Variants in NINL observed in about 807,000 individuals in gnomAD.
NINL encodes ninein-like protein.
In NINL, 153 loss-of-function variants were observed where a neutral mutation model predicts 160.3. That is an observed-to-expected ratio of 0.95 (90% confidence interval 0.84 to 1.09). The LOEUF is 1.09. Ranked by LOEUF, NINL falls within the 50% of genes least tolerant of loss-of-function variation. The probability of loss-of-function intolerance (pLI) is 0.00; values close to 1 mark genes in which losing one functional copy is unlikely to be tolerated. For synonymous variants in NINL, 800 were observed against 734.8 expected, an observed-to-expected ratio of 1.09 and a Z score of -1.43; for missense variants, 1,829 against 1,764.0, an observed-to-expected ratio of 1.04 and a Z score of -0.66.
intron 2 of NINL, among the ~76,000 whole-genome samples, chr20:25,519,976 T>A: frequency 9.1e-6 from 1 of 109,420 alleles, no homozygotes; most frequent in African/African-American, 3.8e-5. Flanking sequence ...GGTGACGAAG[T>A]GAGACCCCGT....
intron 15 of NINL, among the ~76,000 whole-genome samples, chr20:25,479,707 A>C (rs1399271442): frequency 6.6e-6 from 1 of 152,170 alleles, no homozygotes. Context: ...ACTGTCCCTC[A>C]AAAGCCACCA....
intron 1 of NINL, among the ~76,000 whole-genome samples, chr20:25,527,535 T>C (rs1050004365): frequency 1.3e-5 from 2 of 151,768 alleles, no homozygotes; most frequent in East Asian, 1.9e-4. Context: ...TAATAGGTAG[T>C]AAAAATTTTA....
chr20:25,517,890 A>G, intron 2 of NINL, 41 bp from the exon 3 acceptor site: 1 of 1,282,848 alleles, frequency 7.8e-7, no homozygotes. Context: ...GTCACTTTCA[A>G]CAGATCACAC....
At chr20:25,550,523 G>C (rs533406807) in intron 1 of NINL, among the ~76,000 whole-genome samples, 2 of 152,256 alleles carry the variant, frequency 1.3e-5, no homozygotes, top group African/African-American at 4.8e-5. Context: ...AGTATTTATT[G>C]ATCACTATCT....
chr20:25,477,843 C>T (rs1483885418), intron 16 of NINL, among the ~76,000 whole-genome samples: 1 of 151,972 alleles, frequency 6.6e-6, no homozygotes, highest in African/African-American at 2.4e-5. Flanking sequence ...TCTGCAGGGA[C>T]TCTGACCCAA....
At chr20:25,471,833 T>C (rs2063102041) in intron 17 of NINL, among the ~76,000 whole-genome samples, 1 of 152,168 alleles carries the variant, frequency 6.6e-6, no homozygotes, top group Middle Eastern at 3.2e-3. Context: ...TAAGGCTCTT[T>C]ATATTCCCAG....
chr20:25,566,265 A>G (rs571121047), intron 1 of NINL, among the ~76,000 whole-genome samples: 6 of 152,370 alleles, frequency 3.9e-5, no homozygotes, highest in Non-Finnish European at 7.3e-5. Flanking sequence ...AGCCTCTGCC[A>G]TCTACAGCTA....
intron 13 of NINL, among the ~76,000 whole-genome samples, chr20:25,488,729 G>A (rs1432251431): frequency 1.3e-5 from 2 of 151,784 alleles, no homozygotes; most frequent in Non-Finnish European, 2.9e-5. Context: ...CCCCAAAATA[G>A]GCTATTTATG....
At position 25,510,578 on chromosome 20, in the gene NINL, A is replaced by T. The variant is rs562526618; in HGVS notation, c.517+96T>A. 9 of 1,079,010 alleles carry T rather than the reference A, an allele frequency of 8.3e-6. No individual in the cohort carries two copies. The East Asian group carries it at 1.7e-4, about 20-fold the overall frequency. 66.8% of individuals were successfully genotyped at this position (1,079,010 alleles called of 1,614,324 possible). On this transcript the variant is annotated intron_variant, in intron 5 of 23. Transcript: ENST00000278886. ...CACCCCATGCATTTCCCAGGAAATT[A>T]AACTTGTGGTTGCACACTGCCCAAT...
At chr20:25,486,844 T>G (rs575032479) in intron 13 of NINL, among the ~76,000 whole-genome samples, 8 of 152,316 alleles carry the variant, frequency 5.3e-5, no homozygotes, top group African/African-American at 1.9e-4. Flanking sequence ...ACCCTTAAAA[T>G]CGAACAACAA....
In NINL at chr20:25,477,007, C is replaced by A. The variant is rs1404003209; in HGVS notation, c.2284G>T (p.Glu762Ter). Residue 762 changes from glutamate to a stop codon, truncating the protein, a stop_gained, in exon 17 of 24, where the codon GAG becomes TAG. Transcript: ENST00000278886. LOFTEE classifies it high-confidence loss of function. ...GGCAGGGGTCCCTGCGGCGGCTCCT[C>A]CAGCTCCAAGGTCAGGTCTCTGCGA... ...PARRDLTLEL[E>*]EPPQGPLPRG... 1.1e-5 allele frequency: 17 copies of A among 1,601,506 alleles called. No individual in the cohort carries two copies. Among genetic ancestry groups the A allele is most frequent in the Non-Finnish European group, 1.3e-5 (15 of 1,179,746 alleles).
intron 6 of NINL, 105 bp from the exon 7 acceptor site, chr20:25,504,209 AG>A: frequency 3.2e-6 from 4 of 1,246,736 alleles, no homozygotes; most frequent in Non-Finnish European, 3.3e-6. Context: ...GTACCCAACA[AG>A]GGCCGTTTCC....
At position 25,476,942 on chromosome 20, in the gene NINL, C is replaced by T; in HGVS notation, c.2349G>A (p.Arg783=). ...SQRSEQLELE[R]ALKLQPCASE... is the part of the protein sequence containing the mutation. Reference sequence around the variant, plus strand: ...TCGCACAGGGCTGCAGCTTCAGTGCCCTCTCCAGCTCCAGCTGCTCCGACC... The same window carrying T: ...TCGCACAGGGCTGCAGCTTCAGTGCTCTCTCCAGCTCCAGCTGCTCCGACC... The change falls in exon 17 of 24, where the codon AGG becomes AGA. Residue 783 remains arginine (R), a synonymous_variant. Transcript: ENST00000278886. 6.2e-7 allele frequency: 1 copy of T among 1,611,344 alleles called. No homozygotes were observed. Among genetic ancestry groups the T allele is most frequent in the Non-Finnish European group, 8.5e-7 (1 of 1,179,892 alleles).
chr20:25,541,172 C>T (rs1334833883), intron 1 of NINL, among the ~76,000 whole-genome samples: 2 of 152,200 alleles, frequency 1.3e-5, no homozygotes, highest in Non-Finnish European at 2.9e-5. Context: ...TACAAAGTCT[C>T]TGGTTTTAAT....
At chr20:25,491,069 G>A (rs550847073) in intron 11 of NINL, among the ~76,000 whole-genome samples, 29 of 152,322 alleles carry the variant, frequency 1.9e-4, no homozygotes, top group African/African-American at 6.7e-4. Flanking sequence ...TGCTGGCTGC[G>A]GGTGCTGGCC....
intron 14 of NINL, 67 bp from the exon 15 acceptor site, chr20:25,480,334 CA>C: frequency 8.0e-7 from 1 of 1,253,352 alleles, no homozygotes; most frequent in Non-Finnish European, 1.2e-6. Context: ...CCAAACCTTC[CA>C]ATCTGATATT....
chr20:25,579,879 A>G (rs1428145599), intron 1 of NINL, among the ~76,000 whole-genome samples: 2 of 152,194 alleles, frequency 1.3e-5, no homozygotes, highest in Non-Finnish European at 2.9e-5. Flanking sequence ...AAAATATCCT[A>G]ACTGATATAC....
intron 1 of NINL, among the ~76,000 whole-genome samples, chr20:25,575,923 C>A (rs2065110262): frequency 6.6e-6 from 1 of 152,168 alleles, no homozygotes; most frequent in Non-Finnish European, 1.5e-5. Context: ...TCTACCCCTG[C>A]TCCTCTCCTT....
intron 1 of NINL, among the ~76,000 whole-genome samples, chr20:25,576,790 T>C (rs6115214): frequency 0.4 from 60,867 of 152,112 alleles, 13,412 homozygotes; most frequent in East Asian, 0.91. Flanking sequence ...AAGTCTACAA[T>C]GATAAGAGTC....
Sources: allele counts gnomAD v4.1 joint callset (sites outside exome capture counted in the v4.1 genomes callset), GRCh38; gene constraint gnomAD v4.1.1; transcripts MANE v1.5; gene names NCBI Gene and HGNC (gene_info 2026-07-23, HGNC 2026-07-21).